DMGDH: variants seen among roughly 807,000 people sequenced by gnomAD.
DMGDH encodes dimethylglycine dehydrogenase.
DMGDH carries 76 observed loss-of-function variants against 95.2 expected under a neutral mutation model. That is an observed-to-expected ratio of 0.80 (90% CI 0.66 to 0.97). The LOEUF (loss-of-function observed/expected upper bound fraction) is 0.97. Ranked by LOEUF, DMGDH falls within the 50% of genes least tolerant of loss-of-function variation. DMGDH has a pLI of 0.00. For missense variants in DMGDH, 987 were observed against 1,055.0 expected (o/e 0.94, Z 0.89); for synonymous variants, 345 against 377.6 (o/e 0.91, Z 1.00).
intron 14 of DMGDH, among the ~76,000 whole-genome samples, chr5:79,007,446 A>G (rs1184004239): frequency 6.6e-6 from 1 of 152,182 alleles, no homozygotes; most frequent in Non-Finnish European, 1.5e-5. Context: ...TCCCCCACAT[A>G]CACAGAGGGA....
At chr5:79,006,050 A>AC (rs1328731453) in intron 14 of DMGDH, among the ~76,000 whole-genome samples, 2 of 108,356 alleles carry the variant, frequency 1.8e-5, no homozygotes, top group South Asian at 3.0e-4. Context: ...GTGCTTTTCA[A>AC]CCTTTTTTTT....
chr5:79,021,138 T>C (rs1175275708), intron 14 of DMGDH: 1 of 987,342 alleles, frequency 1.0e-6, no homozygotes, highest in Non-Finnish European at 1.2e-6. Context: ...GATTCAATTA[T>C]TTTTACCGCA....
At chr5:79,007,102 C>A (rs1580183276) in intron 14 of DMGDH, among the ~76,000 whole-genome samples, 1 of 152,220 alleles carries the variant, frequency 6.6e-6, no homozygotes, top group African/African-American at 2.4e-5. Flanking sequence ...AAGATTGGAA[C>A]CCGTGTTATT....
At chr5:79,063,846 C>T (rs1755287769) in intron 1 of DMGDH, 59 bp from the exon 2 acceptor site, 1 of 1,557,960 alleles carries the variant, frequency 6.4e-7, no homozygotes, top group Admixed American at 1.7e-5. Context: ...ATAGTTCTGG[C>T]CTAAAGCACT....
At chr5:79,003,158 G>C (rs1006940534) in intron 15 of DMGDH, among the ~76,000 whole-genome samples, 2 of 152,206 alleles carry the variant, frequency 1.3e-5, no homozygotes, top group African/African-American at 4.8e-5. Context: ...GGAAGGGTAA[G>C]TGTAGACTGT....
chr5:79,035,668 G>A (rs1002136842), intron 7 of DMGDH, among the ~76,000 whole-genome samples: 1 of 131,744 alleles, frequency 7.6e-6, no homozygotes, highest in Non-Finnish European at 1.6e-5. Context: ...ATACCATCAT[G>A]TTCTTTCCCT....
intron 15 of DMGDH, 106 bp from the exon 16 acceptor site, chr5:78,998,403 G>A (rs528919309): frequency 7.6e-5 from 81 of 1,068,392 alleles, no homozygotes; most frequent in African/African-American, 5.5e-4. Context: ...CAAAATGGAA[G>A]TTTTATGAAG....
chr5:79,062,723 A>G (rs1755245723), intron 2 of DMGDH, among the ~76,000 whole-genome samples: 1 of 152,156 alleles, frequency 6.6e-6, no homozygotes, highest in Non-Finnish European at 1.5e-5. Context: ...CTCATGTAAC[A>G]CAAAAGCTGT....
At chr5:79,057,241 T>C (rs1755059330) in intron 2 of DMGDH, among the ~76,000 whole-genome samples, 1 of 152,186 alleles carries the variant, frequency 6.6e-6, no homozygotes, top group Admixed American at 6.5e-5. Context: ...TAATGTGGAA[T>C]CCAGAAAAAG....
chr5:79,051,769 T>G (rs545157169), intron 4 of DMGDH, among the ~76,000 whole-genome samples: 1 of 152,284 alleles, frequency 6.6e-6, no homozygotes, highest in African/African-American at 2.4e-5. Context: ...TCAATTATAA[T>G]TTATATTTAA....
At chr5:79,026,818 C>T (rs1267545006) in intron 12 of DMGDH, among the ~76,000 whole-genome samples, 2 of 152,180 alleles carry the variant, frequency 1.3e-5, no homozygotes, top group South Asian at 2.1e-4. Flanking sequence ...ATGCAGGACA[C>T]CTCTTGTCAT....
At chr5:79,030,217 A>G (rs573682080) in intron 10 of DMGDH, among the ~76,000 whole-genome samples, 183 bp from the exon 11 acceptor site, 30 of 152,362 alleles carry the variant, frequency 2.0e-4, no homozygotes, top group Non-Finnish European at 3.7e-4. Flanking sequence ...CTCCATTTAA[A>G]CAATCATTTA....
At chr5:79,020,548 G>A (rs143866602) in intron 14 of DMGDH, 190 of 483,042 alleles carry the variant, frequency 3.9e-4, no homozygotes, top group African/African-American at 3.6e-3. Context: ...GGTACTAAGC[G>A]CTTTGCCTCT....
chr5:79,054,239 T>TG lies in DMGDH; in HGVS notation c.484_485insC (p.Tyr162SerfsTer4), dbSNP rs1249764506. On this transcript the variant is annotated frameshift_variant, in exon 4 of 16. Coordinates refer to ENST00000255189, the MANE Select transcript of DMGDH (RefSeq NM_013391.3). LOFTEE classifies it high-confidence loss of function. The stretch of plus-strand genomic sequence containing the variant: ...TTGAATTTTTTCAGGTTCAATGAGA[T>TG]ACTGTTCTGTTGCATGCCAGCCAGT... 1 of 1,614,192 alleles carries TG rather than the reference T, an allele frequency of 6.2e-7. No individual in the cohort carries two copies. The highest frequency in any genetic ancestry group is 8.5e-7 in the Non-Finnish European group (1 of 1,180,020).
intron 5 of DMGDH, among the ~76,000 whole-genome samples, chr5:79,048,300 C>T (rs1754738227): frequency 6.6e-6 from 1 of 152,198 alleles, no homozygotes; most frequent in South Asian, 2.1e-4. Flanking sequence ...TTGGCAATGT[C>T]TATGTCTCTG....
Position 79,069,592 on chromosome 5 carries a change from CG to C in DMGDH, c.28del (p.Arg10GlyfsTer44). Reference sequence around the variant, plus strand: ...CGGGCAGCTCCGCAGCAGGAGGCCCCGCAGCAGCTGCGCGCCGGGACGGAGC... The same window carrying C: ...CGGGCAGCTCCGCAGCAGGAGGCCCCCAGCAGCTGCGCGCCGGGACGGAGC... MLRPGAQLL[R>X]GLLLRSCPLQ... On this transcript the variant is annotated frameshift_variant, in exon 1 of 16. Transcript: ENST00000255189. LOFTEE classifies it high-confidence loss of function. 1 of 1,365,964 alleles carries C rather than the reference CG, an allele frequency of 7.3e-7. No individual in the cohort carries two copies. Among genetic ancestry groups the C allele is most frequent in the South Asian group, 1.8e-5 (1 of 55,790 alleles). 84.6% of individuals were successfully genotyped at this position (1,365,964 alleles called of 1,614,324 possible). A position where few individuals can be genotyped will look rare whatever the true frequency, so the allele number is the denominator to read the frequency against.
chr5:79,005,134 T>C (rs1172655482), intron 15 of DMGDH, 139 bp downstream of exon 15: 50 of 1,163,634 alleles, frequency 4.3e-5, no homozygotes, highest in Non-Finnish European at 3.5e-5. Flanking sequence ...GTCTTTTGAA[T>C]GTCAGCTCAG....
At position 79,029,899 on chromosome 5, in the gene DMGDH, C is replaced by T. The variant is rs780645948; in HGVS notation, c.1814+5G>A. On this transcript the variant is annotated splice_donor_5th_base_variant and intron_variant, in intron 11 of 15. Transcript: ENST00000255189. Reference sequence around the variant, plus strand: ...ACAAAATTTTCTTACTAGGTGTGCACTTACCTAAGATCATGAAGTTCTGAT... The same window carrying T: ...ACAAAATTTTCTTACTAGGTGTGCATTTACCTAAGATCATGAAGTTCTGAT... 2 of 1,613,902 alleles carry T rather than the reference C, an allele frequency of 1.2e-6. No homozygotes were observed. Among genetic ancestry groups the T allele is most frequent in the Non-Finnish European group, 1.7e-6 (2 of 1,179,908 alleles).
chr5:79,033,112 G>A, intron 8 of DMGDH, 127 bp downstream of exon 8: 1 of 1,183,322 alleles, frequency 8.5e-7, no homozygotes, highest in Non-Finnish European at 1.2e-6. Context: ...TGTCTCAGGG[G>A]CACAATGCTT....
Sources: allele counts gnomAD v4.1 joint callset (sites outside exome capture counted in the v4.1 genomes callset), GRCh38; gene constraint gnomAD v4.1.1; transcripts MANE v1.5; gene names NCBI Gene and HGNC (gene_info 2026-07-23, HGNC 2026-07-21).